SEMA6D: variants seen among roughly 807,000 people sequenced by gnomAD.
SEMA6D encodes the protein semaphorin 6D, also known as semaphorin-6D.
In SEMA6D, 35 loss-of-function variants were observed where a neutral mutation model predicts 106.6. That is an observed-to-expected ratio of 0.33 (90% CI 0.25 to 0.44). The LOEUF (loss-of-function observed/expected upper bound fraction) is 0.44. Ranked by LOEUF, SEMA6D falls within the 20% of genes least tolerant of loss-of-function variation. The pLI is 1.00. For missense variants in SEMA6D, 1,185 were observed against 1,345.9 expected (o/e 0.88, Z 1.87); for synonymous variants, 499 against 487.7 (o/e 1.02, Z -0.31).
At chr15:47,449,599 GAA>G (rs377409950) in intron 2 of SEMA6D, among the ~76,000 whole-genome samples, 7 of 151,048 alleles carry the variant, frequency 4.6e-5, no homozygotes, top group Non-Finnish European at 8.9e-5. Flanking sequence ...TTATTTATGA[GAA>G]AAAAAAAGTA....
chr15:47,501,935 C>T (rs1362613230), intron 3 of SEMA6D, among the ~76,000 whole-genome samples: 1 of 151,958 alleles, frequency 6.6e-6, no homozygotes, highest in African/African-American at 2.4e-5. Context: ...AACCTCTGGC[C>T]TGTAGATCTT....
At chr15:47,316,102 C>CTTTTTTTTCTTTTTTTTTTT (rs67090828) in intron 1 of SEMA6D, among the ~76,000 whole-genome samples, 3 of 81,484 alleles carry the variant, frequency 3.7e-5, no homozygotes, top group Non-Finnish European at 6.2e-5. Flanking sequence ...CATTTATTTC[C>CTTTTTTTTCTTTTTTTTTTT]TTTTTTTTGA....
chr15:47,474,212 G>A (rs781559025), intron 3 of SEMA6D, among the ~76,000 whole-genome samples: 6 of 152,158 alleles, frequency 3.9e-5, no homozygotes, highest in Non-Finnish European at 8.8e-5. Context: ...AGAAGAAGCT[G>A]AGGGCTGCCT....
intron 4 of SEMA6D, among the ~76,000 whole-genome samples, chr15:47,626,197 T>A (rs1189738904): frequency 1.3e-5 from 2 of 152,176 alleles, no homozygotes; most frequent in African/African-American, 4.8e-5. Context: ...GAGATGTGCA[T>A]CACAACCGTG....
intron 1 of SEMA6D, among the ~76,000 whole-genome samples, chr15:47,247,318 G>A (rs1490913970): frequency 6.6e-6 from 1 of 152,054 alleles, no homozygotes; most frequent in African/African-American, 2.4e-5. Context: ...CACGATTAGG[G>A]TTTAGGTTGT....
intron 3 of SEMA6D, among the ~76,000 whole-genome samples, chr15:47,520,716 G>A (rs1266876906): frequency 6.6e-6 from 1 of 152,188 alleles, no homozygotes; most frequent in Non-Finnish European, 1.5e-5. Flanking sequence ...ACAGAAGAGT[G>A]GAGGTTGAGA....
At chr15:47,300,265 T>C (rs1993336) in intron 1 of SEMA6D, among the ~76,000 whole-genome samples, 132,509 of 152,118 alleles carry the variant, frequency 0.87, 59,281 homozygotes, top group East Asian at 0.99. Flanking sequence ...CTTGGCTGAT[T>C]GCTCTTGTAT....
At chr15:47,384,078 G>A (rs1446969581) in intron 1 of SEMA6D, among the ~76,000 whole-genome samples, 1 of 152,138 alleles carries the variant, frequency 6.6e-6, no homozygotes, top group Non-Finnish European at 1.5e-5. Context: ...AAGAATTCCA[G>A]GGACCTTCAC....
At chr15:47,770,289 A>T (rs2082560885) in intron 18 of SEMA6D, among the ~76,000 whole-genome samples, 1 of 152,174 alleles carries the variant, frequency 6.6e-6, no homozygotes, top group African/African-American at 2.4e-5. Context: ...GATTAGAGTT[A>T]TCCTGGCATT....
chr15:47,750,973 G>A (rs1224643292), intron 1 of SEMA6D, among the ~76,000 whole-genome samples: 1 of 152,172 alleles, frequency 6.6e-6, no homozygotes, highest in Non-Finnish European at 1.5e-5. Flanking sequence ...TGAGCCTGGA[G>A]GCAAGGAGCA....
chr15:47,751,395 G>A (rs1322101738), intron 1 of SEMA6D, among the ~76,000 whole-genome samples: 3 of 151,916 alleles, frequency 2.0e-5, no homozygotes, highest in Non-Finnish European at 4.4e-5. Flanking sequence ...CTCCTTTTTT[G>A]TTTAGTCTCT....
Position 47,771,323 on chromosome 15 carries a change from T to A in SEMA6D, c.2760T>A (p.Pro920=), listed in dbSNP as rs548327219. ...DPMGSMSEVP[P]KVPNREASLY... is the part of the protein sequence containing the mutation. ...TGGGATCGATGTCTGAGGTCCCACCTAAAGTCCCTAACCGGGAGGCATCGC... is the reference window on the plus strand; with the variant it reads ...TGGGATCGATGTCTGAGGTCCCACCAAAAGTCCCTAACCGGGAGGCATCGC... The change falls in exon 19 of 19, where the codon CCT becomes CCA. Residue 920 remains proline (P), a synonymous_variant. Transcript: ENST00000536845. 1 of 1,613,966 alleles carries A rather than the reference T, an allele frequency of 6.2e-7. No individual in the cohort carries two copies. Among genetic ancestry groups the A allele is most frequent in the East Asian group, 2.2e-5 (1 of 44,848 alleles).
chr15:47,256,040 G>A (rs984444085), intron 1 of SEMA6D, among the ~76,000 whole-genome samples: 4 of 151,988 alleles, frequency 2.6e-5, no homozygotes, highest in African/African-American at 9.7e-5. Flanking sequence ...TTCTTAGTCT[G>A]TTCCATTAAT....
At chr15:47,303,220 G>A (rs1263497448) in intron 1 of SEMA6D, among the ~76,000 whole-genome samples, 1 of 152,136 alleles carries the variant, frequency 6.6e-6, no homozygotes, top group African/African-American at 2.4e-5. Flanking sequence ...AAGACAACTG[G>A]TGAACTTGTG....
intron 1 of SEMA6D, among the ~76,000 whole-genome samples, chr15:47,255,517 T>A (rs1198191879): frequency 3.9e-5 from 6 of 152,112 alleles, no homozygotes; most frequent in Admixed American, 1.3e-4. Context: ...CCTTGAGACG[T>A]AACATTAGGT....
intron 3 of SEMA6D, among the ~76,000 whole-genome samples, chr15:47,518,190 T>C (rs903396938): frequency 2.6e-5 from 4 of 152,174 alleles, no homozygotes; most frequent in Non-Finnish European, 4.4e-5. Flanking sequence ...AGAATAGGAA[T>C]TTAATTTTTA....
At chr15:47,508,502 A>G (rs967887495) in intron 3 of SEMA6D, among the ~76,000 whole-genome samples, 2 of 152,168 alleles carry the variant, frequency 1.3e-5, no homozygotes, top group Admixed American at 6.5e-5. Context: ...GTAATTCACT[A>G]CTAGAATTAT....
intron 1 of SEMA6D, among the ~76,000 whole-genome samples, chr15:47,222,976 G>C (rs560802713): frequency 3.3e-5 from 5 of 152,126 alleles, no homozygotes; most frequent in Non-Finnish European, 5.9e-5. Flanking sequence ...GGAAACTTAA[G>C]GACAGCATTC....
chr15:47,770,212 T>G (rs2082555574), intron 18 of SEMA6D, among the ~76,000 whole-genome samples: 1 of 152,158 alleles, frequency 6.6e-6, no homozygotes, highest in Non-Finnish European at 1.5e-5. Flanking sequence ...ACTCTTACAT[T>G]TTTAACATGT....
Sources: allele counts gnomAD v4.1 joint callset (sites outside exome capture counted in the v4.1 genomes callset), GRCh38; gene constraint gnomAD v4.1.1; transcripts MANE v1.5; gene names NCBI Gene and HGNC (gene_info 2026-07-23, HGNC 2026-07-21).